Variants in KATNAL1 observed in about 807,000 individuals in gnomAD.
KATNAL1 encodes the protein katanin p60 ATPase-containing subunit A-like 1.
Under a neutral mutation model 55.2 loss-of-function variants are expected in KATNAL1, and 32 were observed. The ratio of observed to expected loss-of-function variants is 0.58; its 90% CI spans 0.44 to 0.78. The LOEUF (loss-of-function observed/expected upper bound fraction) is 0.78. Among genes scored for constraint, KATNAL1 ranks in the 30% least tolerant of loss-of-function variants. The probability of loss-of-function intolerance (pLI) is 0.00; values close to 1 mark genes in which losing one functional copy is unlikely to be tolerated. For synonymous variants in KATNAL1, 193 were observed against 193.6 expected, an observed-to-expected ratio of 1.00 and a Z score of 0.02; for missense variants, 466 against 600.9, an observed-to-expected ratio of 0.78 and a Z score of 2.35.
chr13:30,222,422 A>T (rs950798340), intron 9 of KATNAL1, among the ~76,000 whole-genome samples: 7 of 152,176 alleles, frequency 4.6e-5, no homozygotes, highest in African/African-American at 1.7e-4. Context: ...CGTGTGAGCC[A>T]ACTGCCTAAA....
chr13:30,240,359 T>C, intron 6 of KATNAL1, 101 bp downstream of exon 6: 1 of 808,562 alleles, frequency 1.2e-6, no homozygotes, highest in Admixed American at 2.3e-5. Flanking sequence ...CTCCCAACCT[T>C]TTCAAAATGG....
chr13:30,259,493 G>A (rs2137472581), intron 3 of KATNAL1, among the ~76,000 whole-genome samples: 1 of 152,296 alleles, frequency 6.6e-6, no homozygotes, highest in Admixed American at 6.5e-5. Context: ...GCCAGACAGT[G>A]GGCGCAGGTC....
intron 3 of KATNAL1, among the ~76,000 whole-genome samples, chr13:30,268,960 A>G (rs1879995946): frequency 1.3e-5 from 2 of 152,220 alleles, no homozygotes; most frequent in Non-Finnish European, 2.9e-5. Context: ...AAAGCTTACA[A>G]TCTAGCAGGA....
At chr13:30,301,275 C>T (rs901360291) in intron 1 of KATNAL1, among the ~76,000 whole-genome samples, 2 of 152,140 alleles carry the variant, frequency 1.3e-5, no homozygotes, top group East Asian at 1.9e-4. Flanking sequence ...GAGGCTGAGG[C>T]GGCAGAAGCT....
At chr13:30,272,008 A>C (rs559630070) in intron 3 of KATNAL1, among the ~76,000 whole-genome samples, 10 of 152,266 alleles carry the variant, frequency 6.6e-5, no homozygotes, top group Non-Finnish European at 1.5e-4. Flanking sequence ...AGTCCAGAGA[A>C]GAGGCATTTT....
chr13:30,280,334 T>C lies in KATNAL1; in HGVS notation c.163-111A>G, dbSNP rs560229679. ...TTTCTTAATGTCAAAGGGTGAAAAATGAATCATTAAAACATTCATAAATAC... is the reference window on the plus strand; with the variant it reads ...TTTCTTAATGTCAAAGGGTGAAAAACGAATCATTAAAACATTCATAAATAC... On this transcript the variant is annotated intron_variant, in intron 2 of 10. Coordinates refer to ENST00000380615, the MANE Select transcript of KATNAL1 (RefSeq NM_032116.5). The C allele has an allele frequency of 4.3e-5, 31 of 716,616 alleles. 1 individual carries two copies. The South Asian group carries it at 8.8e-4, about 20-fold the overall frequency. The allele number at this position is 716,616 out of a possible 1,614,324, so 44.4% of individuals were successfully genotyped here.
At chr13:30,231,241 G>A in intron 7 of KATNAL1, 73 bp downstream of exon 7, 2 of 1,206,906 alleles carry the variant, frequency 1.7e-6, no homozygotes, top group Non-Finnish European at 1.1e-6. Context: ...GATTCCAGGT[G>A]GACAGAACTG....
At chr13:30,241,515 T>C (rs549400507) in intron 4 of KATNAL1, among the ~76,000 whole-genome samples, 9 of 152,306 alleles carry the variant, frequency 5.9e-5, no homozygotes, top group African/African-American at 2.2e-4. Flanking sequence ...ATATAGTTGT[T>C]TTAAAAGAAA....
chr13:30,285,710 T>C (rs1881735867), intron 1 of KATNAL1, among the ~76,000 whole-genome samples: 1 of 151,876 alleles, frequency 6.6e-6, no homozygotes, highest in Admixed American at 6.6e-5. Context: ...CAGGCAGAGG[T>C]TGGAACAGTT....
At chr13:30,213,939 G>A (rs1017317236) in intron 9 of KATNAL1, among the ~76,000 whole-genome samples, 6 of 152,040 alleles carry the variant, frequency 3.9e-5, no homozygotes, top group African/African-American at 7.2e-5. Context: ...TTAGGCAGGA[G>A]AAGGAAATAA....
chr13:30,289,492 T>G (rs541151421), intron 1 of KATNAL1, among the ~76,000 whole-genome samples: 1 of 152,344 alleles, frequency 6.6e-6, no homozygotes, highest in Non-Finnish European at 1.5e-5. Context: ...GTAAAGAAAT[T>G]CTACTGGAAT....
intron 4 of KATNAL1, among the ~76,000 whole-genome samples, chr13:30,244,718 T>C (rs902789269): frequency 2.0e-5 from 3 of 151,978 alleles, no homozygotes; most frequent in African/African-American, 7.3e-5. Flanking sequence ...AAAACGGATA[T>C]CACCACTGAT....
At chr13:30,281,277 T>C (rs1289022729) in intron 2 of KATNAL1, among the ~76,000 whole-genome samples, 1 of 151,536 alleles carries the variant, frequency 6.6e-6, no homozygotes, top group African/African-American at 2.4e-5. Flanking sequence ...AAGGAACATA[T>C]GAAGGAGTTA....
chr13:30,284,279 C>T (rs1018337020), intron 1 of KATNAL1, among the ~76,000 whole-genome samples: 6 of 152,252 alleles, frequency 3.9e-5, no homozygotes, highest in Non-Finnish European at 5.9e-5. Flanking sequence ...AGAACACCCA[C>T]GGAAATAATA....
At chr13:30,220,297 C>T (rs1346415542) in intron 9 of KATNAL1, among the ~76,000 whole-genome samples, 1 of 152,040 alleles carries the variant, frequency 6.6e-6, no homozygotes, top group Non-Finnish European at 1.5e-5. Context: ...CCCGTCTCTA[C>T]TAAAAATACC....
intron 1 of KATNAL1, among the ~76,000 whole-genome samples, chr13:30,303,516 G>T (rs1385110029): frequency 6.6e-6 from 1 of 152,210 alleles, no homozygotes; most frequent in Admixed American, 6.5e-5. Context: ...TGTGAGCTAT[G>T]ACTGCACCAT....
At chr13:30,250,672 T>C (rs1878213361) in intron 4 of KATNAL1, among the ~76,000 whole-genome samples, 1 of 152,216 alleles carries the variant, frequency 6.6e-6, no homozygotes, top group Admixed American at 6.5e-5. Context: ...AATGGCCATT[T>C]GTTATGCACA....
At chr13:30,271,576 T>A (rs1317168547) in intron 3 of KATNAL1, among the ~76,000 whole-genome samples, 1 of 152,070 alleles carries the variant, frequency 6.6e-6, no homozygotes, top group Non-Finnish European at 1.5e-5. Context: ...AACCCTATCA[T>A]GAGAACAGCA....
intron 3 of KATNAL1, among the ~76,000 whole-genome samples, chr13:30,267,834 T>TG (rs1879897266): frequency 6.6e-6 from 1 of 152,220 alleles, no homozygotes; most frequent in Non-Finnish European, 1.5e-5. Context: ...TTCAGTGTTT[T>TG]GGGCCTCAGA....
Sources: gnomAD v4.1 joint callset for allele counts (sites outside exome capture counted in the v4.1 genomes callset) on GRCh38, gnomAD v4.1.1 for gene constraint, MANE v1.5 for transcripts, NCBI Gene and HGNC (gene_info 2026-07-23, HGNC 2026-07-21) for gene names.